Variants in ESRRG observed in about 807,000 individuals in gnomAD.
The protein encoded by ESRRG is estrogen related receptor gamma, also known as estrogen-related receptor gamma.
A neutral mutation model predicts 44.0 loss-of-function variants in ESRRG; 13 were observed. That is an observed-to-expected ratio of 0.30 (90% CI 0.19 to 0.47). The LOEUF (loss-of-function observed/expected upper bound fraction) is 0.47. Among genes scored for constraint, ESRRG ranks in the 20% least tolerant of loss-of-function variants. The pLI is 1.00. For missense variants in ESRRG, 395 were observed against 580.6 expected (o/e 0.68, Z 3.29); for synonymous variants, 215 against 214.6 (o/e 1.00, Z -0.02).
intron 3 of ESRRG, among the ~76,000 whole-genome samples, chr1:216,644,850 A>G (rs1434501126): frequency 6.6e-6 from 1 of 152,206 alleles, no homozygotes; most frequent in African/African-American, 2.4e-5. Flanking sequence ...TTTCCTCCAT[A>G]GGAAATATTT....
chr1:217,069,747 A>T (rs75765124), intron 1 of ESRRG, among the ~76,000 whole-genome samples: 3,419 of 152,282 alleles, frequency 0.022, 78 homozygotes, highest in South Asian at 0.038. Context: ...GCCACATCAC[A>T]GAAGCAGCAG....
chr1:216,765,795 C>A (rs945874870), intron 2 of ESRRG, among the ~76,000 whole-genome samples: 26 of 152,040 alleles, frequency 1.7e-4, no homozygotes, highest in African/African-American at 6.3e-4. Context: ...CACTGCCTGA[C>A]AAAGCTTTTG....
intron 2 of ESRRG, among the ~76,000 whole-genome samples, chr1:216,777,586 T>G (rs2093662741): frequency 6.6e-6 from 1 of 152,162 alleles, no homozygotes; most frequent in African/African-American, 2.4e-5. Context: ...GTCTGAGTTT[T>G]GATTCAATCA....
At chr1:217,105,023 A>G (rs1049236731) in intron 1 of ESRRG, among the ~76,000 whole-genome samples, 1 of 152,150 alleles carries the variant, frequency 6.6e-6, no homozygotes, top group Non-Finnish European at 1.5e-5. Context: ...GATTCCATCT[A>G]TTACCTATAC....
intron 2 of ESRRG, among the ~76,000 whole-genome samples, chr1:216,732,494 G>A (rs112097854): frequency 0.062 from 9,456 of 151,422 alleles, 365 homozygotes; most frequent in African/African-American, 0.091. Flanking sequence ...CTCTTGCCTC[G>A]GCCTCCAGAG....
rs5780894 is a variant in ESRRG at position 216,555,535 on chromosome 1, T to TAA, written c.862+8682_862+8683dup. ...AGCTGAGTAATACAGGTGCCCTCTT[T>TAA]AAAAAAAAAAAAAAACCTGAATAGT... On this transcript the variant is annotated intron_variant, in intron 5 of 6. Transcript: ENST00000408911. Among the ~76,000 whole-genome samples the TAA allele has an allele frequency of 7.1e-3, 1,033 of 144,830 alleles. 13 individuals are homozygous for TAA. Among genetic ancestry groups the TAA allele is most frequent in the African/African-American group, 0.024 (932 of 38,522 alleles).
chr1:217,066,111 T>A (rs1276745165), intron 1 of ESRRG, among the ~76,000 whole-genome samples: 1 of 152,218 alleles, frequency 6.6e-6, no homozygotes, highest in Non-Finnish European at 1.5e-5. Flanking sequence ...TGGCTATCGC[T>A]ACTGTTGTGC....
chr1:216,850,172 G>T (rs531851491), intron 2 of ESRRG, among the ~76,000 whole-genome samples: 4 of 151,866 alleles, frequency 2.6e-5, no homozygotes, highest in African/African-American at 2.4e-5. Flanking sequence ...CAAACCATTG[G>T]CATCATCCAA....
intron 1 of ESRRG, among the ~76,000 whole-genome samples, chr1:216,716,831 C>G (rs1370199469): frequency 6.6e-6 from 1 of 151,794 alleles, no homozygotes; most frequent in Non-Finnish European, 1.5e-5. Flanking sequence ...TCCATATAGC[C>G]ATAGGTTGTA....
chr1:217,078,629 G>A (rs1216472755), intron 1 of ESRRG, among the ~76,000 whole-genome samples: 1 of 152,172 alleles, frequency 6.6e-6, no homozygotes, highest in Non-Finnish European at 1.5e-5. Flanking sequence ...AACAGTGTAA[G>A]GTATTCTCGG....
chr1:216,832,611 C>T (rs1400186530), intron 2 of ESRRG, among the ~76,000 whole-genome samples: 1 of 152,114 alleles, frequency 6.6e-6, no homozygotes, highest in Admixed American at 6.5e-5. Context: ...GGTGGTGCAC[C>T]CAACTCACCA....
At position 216,598,152 on chromosome 1, in the gene ESRRG, A is replaced by T. The variant is rs190567495; in HGVS notation, c.590-30054T>A. 4.6e-4 allele frequency among the ~76,000 whole-genome samples: 70 copies of T among 152,376 alleles called. 1 individual carries two copies. The highest frequency in any genetic ancestry group is 3.9e-3 in the Admixed American group (60 of 15,306). ...AGATACATGTTGACTTCTAAAGACC[A>T]ATAGTTCAATTTAATCCTCCATTTA... On this transcript the variant is annotated intron_variant, in intron 3 of 6. Transcript: ENST00000408911.
intron 2 of ESRRG, among the ~76,000 whole-genome samples, chr1:216,752,182 T>G (rs2092085859): frequency 6.6e-6 from 1 of 152,126 alleles, no homozygotes; most frequent in Non-Finnish European, 1.5e-5. Context: ...AAGAGTTAAG[T>G]ATTTTTGTAA....
At chr1:216,615,733 T>C (rs1347639366) in intron 3 of ESRRG, among the ~76,000 whole-genome samples, 1 of 112,616 alleles carries the variant, frequency 8.9e-6, no homozygotes, top group African/African-American at 4.3e-5. Flanking sequence ...CCTATTTCTC[T>C]CTCTTTTTTT....
At chr1:216,511,326 G>C (rs1212546703) in intron 6 of ESRRG, among the ~76,000 whole-genome samples, 1 of 151,958 alleles carries the variant, frequency 6.6e-6, no homozygotes, top group Non-Finnish European at 1.5e-5. Context: ...TGGTTCTTCG[G>C]GTAGCAATTG....
chr1:216,731,174 G>T (rs985599351), intron 2 of ESRRG, among the ~76,000 whole-genome samples: 2 of 152,084 alleles, frequency 1.3e-5, no homozygotes, highest in African/African-American at 4.8e-5. Context: ...AACGGTTCTT[G>T]TATGCAACAT....
chr1:216,981,730 C>T lies in ESRRG; in HGVS notation c.-105-42057G>A, dbSNP rs75532427. Among the ~76,000 whole-genome samples, 596 of 152,114 alleles carry T rather than the reference C, an allele frequency of 3.9e-3. 4 individuals are homozygous for T. Among genetic ancestry groups the T allele is most frequent in the African/African-American group, 0.014 (563 of 41,486 alleles). On this transcript the variant is annotated intron_variant, in intron 1 of 7. Coordinates refer to the ESRRG transcript ENST00000359162. ...ACACACACACACACATGCACACATA[C>T]GCACGCACACACAGCACACACATAC...
At chr1:216,612,750 T>A (rs2060846264) in intron 3 of ESRRG, among the ~76,000 whole-genome samples, 1 of 152,216 alleles carries the variant, frequency 6.6e-6, no homozygotes. Flanking sequence ...GGGACTTATT[T>A]AACCTAAAAG....
intron 1 of ESRRG, among the ~76,000 whole-genome samples, chr1:217,021,344 G>T (rs1318665871): frequency 6.6e-6 from 1 of 152,140 alleles, no homozygotes; most frequent in East Asian, 1.9e-4. Context: ...ACTGGCTCCT[G>T]CAGGGATCAA....
Sources: allele counts gnomAD v4.1 joint callset (sites outside exome capture counted in the v4.1 genomes callset), GRCh38; gene constraint gnomAD v4.1.1; transcripts MANE v1.5; gene names NCBI Gene and HGNC (gene_info 2026-07-23, HGNC 2026-07-21).